The following CBLN2 variants were observed in gnomAD, a reference collection of about 807,000 sequenced individuals.
CBLN2 encodes cerebellin 2 precursor, also known as cerebellin-2.
In CBLN2, 7 loss-of-function variants were observed where a neutral mutation model predicts 15.0. The observed-to-expected ratio is 0.47, with a 90% CI of 0.27 to 0.88. The LOEUF (loss-of-function observed/expected upper bound fraction) is 0.88. CBLN2 is among the 40% of genes least tolerant of loss of function. The pLI is 0.14. For missense variants in CBLN2, 242 were observed against 304.5 expected (o/e 0.79, Z 1.53); for synonymous variants, 149 against 135.2 (o/e 1.10, Z -0.71).
At chr18:72,565,550 C>T (rs532796840) in intron 1 of CBLN2, among the ~76,000 whole-genome samples, 12 of 152,058 alleles carry the variant, frequency 7.9e-5, no homozygotes, top group Admixed American at 3.3e-4. Context: ...TGTATGCAAC[C>T]GAAGTTAAGT....
rs79620605 is a variant in CBLN2 at position 72,605,293 on chromosome 18, G to A, written c.15+33032C>T. On this transcript the variant is annotated intron_variant, in intron 1 of 2. Coordinates refer to the CBLN2 transcript ENST00000581073. ...TTGTATTTAATTTATGACTCTACAT[G>A]CTCTTCACTTTTACTTCTCCCCTTG... is the stretch of plus-strand genomic sequence containing the variant. 3.3e-4 allele frequency among the ~76,000 whole-genome samples: 50 copies of A among 152,176 alleles called. No individual in the cohort carries two copies. In the East Asian group the frequency reaches 7.9e-3, roughly 24 times the overall value.
intron 1 of CBLN2, among the ~76,000 whole-genome samples, chr18:72,567,372 G>T (rs570339679): frequency 6.6e-6 from 1 of 152,278 alleles, no homozygotes; most frequent in African/African-American, 2.4e-5. Flanking sequence ...TAAAATGTAT[G>T]TGAGTGGTTT....
chr18:72,545,146 G>T (rs2069149247), upstream of CBLN2, among the ~76,000 whole-genome samples: 1 of 152,072 alleles, frequency 6.6e-6, no homozygotes, highest in African/African-American at 2.4e-5. Flanking sequence ...GGTTTTGAAG[G>T]CCTTATTTTC....
intron 1 of CBLN2, among the ~76,000 whole-genome samples, chr18:72,634,522 C>T (rs1006817619): frequency 6.6e-6 from 1 of 151,948 alleles, no homozygotes; most frequent in Admixed American, 6.6e-5. Context: ...TGTAGGAACA[C>T]ATAAGGCCTG....
At chr18:72,613,686 G>A (rs1357132224) in intron 1 of CBLN2, among the ~76,000 whole-genome samples, 1 of 152,154 alleles carries the variant, frequency 6.6e-6, no homozygotes, top group Non-Finnish European at 1.5e-5. Flanking sequence ...ACTTCAGCCT[G>A]CTCAGAATGC....
intron 1 of CBLN2, among the ~76,000 whole-genome samples, chr18:72,617,677 G>A (rs1194392890): frequency 6.6e-6 from 1 of 152,160 alleles, no homozygotes; most frequent in Non-Finnish European, 1.5e-5. Flanking sequence ...CCACTTTGAG[G>A]AGTTGTACCA....
At chr18:72,540,689 A>T (rs543394057) in intron 3 of CBLN2, among the ~76,000 whole-genome samples, 1 of 152,334 alleles carries the variant, frequency 6.6e-6, no homozygotes, top group South Asian at 2.1e-4. Context: ...AAGAAAAAAA[A>T]ACCTCAAATA....
chr18:72,618,611 C>T lies in CBLN2; in HGVS notation c.15+19714G>A, dbSNP rs1191474438. ...CGTGTTGGTGGCATTAAAGAAGACA[C>T]TGAAGAACATCACCTAAGAGATTAT... On this transcript the variant is annotated intron_variant, in intron 1 of 2. Coordinates refer to the CBLN2 transcript ENST00000581073. The T allele has an allele frequency of 6.2e-6, 6 of 965,388 alleles. No homozygotes were observed. In the East Asian group the frequency reaches 1.3e-4, roughly 22 times the overall value. The allele number at this position is 965,388 out of a possible 1,614,324, so 59.8% of individuals were successfully genotyped here.
intron 1 of CBLN2, among the ~76,000 whole-genome samples, chr18:72,634,881 T>C (rs1334139567): frequency 1.3e-5 from 2 of 152,184 alleles, no homozygotes; most frequent in Non-Finnish European, 2.9e-5. Flanking sequence ...GAAAATCCAG[T>C]GCAGTCAAAC....
intron 1 of CBLN2, among the ~76,000 whole-genome samples, chr18:72,580,901 C>T (rs1023822267): frequency 2.6e-5 from 4 of 152,202 alleles, no homozygotes; most frequent in Admixed American, 2.6e-4. Context: ...GAGCCCTCTT[C>T]TCAATAAGGC....
intron 2 of CBLN2, among the ~76,000 whole-genome samples, chr18:72,542,650 G>T (rs548125141): frequency 6.6e-6 from 1 of 152,170 alleles, no homozygotes; most frequent in African/African-American, 2.4e-5. Context: ...TCACCAGCGC[G>T]GAGGGGGCTA....
In CBLN2 at chr18:72,569,554, C is replaced by T. The variant is rs544853447; in HGVS notation, c.16-30782G>A. 1.3e-3 allele frequency among the ~76,000 whole-genome samples: 199 copies of T among 152,224 alleles called. 1 individual carries two copies. The highest frequency in any genetic ancestry group is 2.6e-3 in the African/African-American group (107 of 41,548). On this transcript the variant is annotated intron_variant, in intron 1 of 2. Transcript: ENST00000581073. ...AAGAGGTTTAATTTGGCTCAAGTTT[C>T]GGCAGGCTGTACAGGCAATGTGGTG... is the stretch of plus-strand genomic sequence containing the variant.
chr18:72,585,510 A>G (rs958550824), intron 1 of CBLN2, among the ~76,000 whole-genome samples: 1 of 152,114 alleles, frequency 6.6e-6, no homozygotes, highest in East Asian at 1.9e-4. Flanking sequence ...AGGTCATCCC[A>G]TCATCTGAGT....
chr18:72,615,849 T>C (rs1308530314), intron 1 of CBLN2, among the ~76,000 whole-genome samples: 1 of 152,174 alleles, frequency 6.6e-6, no homozygotes, highest in Non-Finnish European at 1.5e-5. Flanking sequence ...GGACTGAATA[T>C]TCTATGAAGT....
intron 1 of CBLN2, among the ~76,000 whole-genome samples, chr18:72,557,623 A>G (rs966416035): frequency 1.1e-4 from 17 of 152,218 alleles, no homozygotes; most frequent in African/African-American, 4.1e-4. Context: ...GTGGAGCTAG[A>G]AGCCATTATC....
chr18:72,615,187 T>C (rs1568132526), intron 1 of CBLN2, among the ~76,000 whole-genome samples: 1 of 135,674 alleles, frequency 7.4e-6, no homozygotes, highest in East Asian at 2.0e-4. Context: ...TTATATATTA[T>C]ATATAAATAT....
intron 1 of CBLN2, among the ~76,000 whole-genome samples, chr18:72,608,060 T>G (rs1042487970): frequency 2.0e-5 from 3 of 152,016 alleles, no homozygotes; most frequent in African/African-American, 7.3e-5. Context: ...ATCTGTAAGG[T>G]TTTTTTTCTC....
At chr18:72,555,211 G>A (rs1470098655) in intron 1 of CBLN2, among the ~76,000 whole-genome samples, 1 of 152,138 alleles carries the variant, frequency 6.6e-6, no homozygotes, top group East Asian at 1.9e-4. Context: ...ACAATGCCGT[G>A]TTTAAAATAG....
chr18:72,598,027 C>T (rs903401891), intron 1 of CBLN2, among the ~76,000 whole-genome samples: 2 of 152,192 alleles, frequency 1.3e-5, no homozygotes, highest in Admixed American at 1.3e-4. Context: ...CCACTTTGTG[C>T]TCTATACCAC....
Sources: allele counts gnomAD v4.1 joint callset (sites outside exome capture counted in the v4.1 genomes callset), GRCh38; gene constraint gnomAD v4.1.1; transcripts MANE v1.5; gene names NCBI Gene and HGNC (gene_info 2026-07-23, HGNC 2026-07-21).